Variants in DNM2 observed in about 807,000 individuals in gnomAD.
The protein encoded by DNM2 is dynamin 2.
Under a neutral mutation model 99.0 loss-of-function variants are expected in DNM2, and 15 were observed. The ratio of observed to expected loss-of-function variants is 0.15; its 90% CI spans 0.10 to 0.23. DNM2 has a LOEUF of 0.23. Ranked by LOEUF, DNM2 falls within the 10% of genes least tolerant of loss-of-function variation. DNM2 has a pLI of 1.00. For missense variants in DNM2, 742 were observed against 1,189.4 expected, an observed-to-expected ratio of 0.62 and a Z score of 5.53; for synonymous variants, 525 against 481.2, an observed-to-expected ratio of 1.09 and a Z score of -1.19.
intron 1 of DNM2, among the ~76,000 whole-genome samples, chr19:10,729,006 G>A (rs2069202866): frequency 6.7e-6 from 1 of 149,144 alleles, no homozygotes; most frequent in Non-Finnish European, 1.5e-5. Flanking sequence ...TTGGGAGGCT[G>A]AGGTGGGAGT....
intron 1 of DNM2, among the ~76,000 whole-genome samples, chr19:10,742,961 TGTG>T (rs2069812410): frequency 6.6e-6 from 1 of 150,606 alleles, no homozygotes; most frequent in Non-Finnish European, 1.5e-5. Context: ...TCATGCAGGT[TGTG>T]GTGCAGTGGC....
chr19:10,729,803 GTGTTTC>G (rs1054600204), intron 1 of DNM2, among the ~76,000 whole-genome samples: 49 of 152,136 alleles, frequency 3.2e-4, no homozygotes, highest in African/African-American at 1.1e-3. Flanking sequence ...GACCCCTCTG[GTGTTTC>G]TGTACTTAGG....
chr19:10,762,594 A>T (rs1048213909), intron 2 of DNM2, among the ~76,000 whole-genome samples: 1 of 152,160 alleles, frequency 6.6e-6, no homozygotes, highest in Non-Finnish European at 1.5e-5. Context: ...CTTGGCCAGG[A>T]GGGAGCACAG....
chr19:10,761,921 G>A (rs528371537), intron 2 of DNM2, among the ~76,000 whole-genome samples: 8 of 152,198 alleles, frequency 5.3e-5, no homozygotes, highest in South Asian at 4.2e-4. Flanking sequence ...GGGTTCAGGC[G>A]TCCAATCAGC....
intron 5 of DNM2, 62 bp from the exon 6 acceptor site, chr19:10,782,898 C>G (rs1333453574): frequency 6.2e-7 from 1 of 1,610,894 alleles, no homozygotes; most frequent in African/African-American, 1.3e-5. Context: ...CTTGCCCATC[C>G]CCGTGCCAGG....
rs573469750 is a variant in DNM2, at chr19:10,759,722, T to C, written c.162-16T>C. 125 of 1,613,992 alleles carry C rather than the reference T, an allele frequency of 7.7e-5. No homozygotes were observed. In the Middle Eastern group the frequency reaches 8.2e-4, roughly 11 times the overall value. On this transcript the variant is annotated splice_polypyrimidine_tract_variant and intron_variant, in intron 1 of 20. Transcript: ENST00000389253. ...CGGACGCAAGAGTAATTTCTGTCCC[T>C]CTCCCCCCCTCACAGGGACTTCCTT...
intron 1 of DNM2, among the ~76,000 whole-genome samples, chr19:10,722,972 CTT>C (rs1021479133): frequency 6.9e-6 from 1 of 144,418 alleles, no homozygotes. Context: ...CTTTCCCTTT[CTT>C]TTTTTTTTTT....
At chr19:10,809,361 AT>A (rs1417982725) in intron 14 of DNM2, 3 of 152,362 alleles carry the variant, frequency 2.0e-5, no homozygotes, top group African/African-American at 2.4e-5. Flanking sequence ...GGCAACACTA[AT>A]TGATCCTAGC....
At chr19:10,766,546 T>A (rs1258985425) in intron 2 of DNM2, among the ~76,000 whole-genome samples, 1 of 152,054 alleles carries the variant, frequency 6.6e-6, no homozygotes, top group East Asian at 1.9e-4. Flanking sequence ...CTGGGAGTGA[T>A]GTCCTCCTAG....
intron 1 of DNM2, among the ~76,000 whole-genome samples, chr19:10,743,227 G>A (rs529083439): frequency 1.4e-4 from 21 of 152,118 alleles, no homozygotes; most frequent in East Asian, 5.9e-4. Flanking sequence ...TTCTTTTGCC[G>A]TGCAGCTAGC....
chr19:10,819,851 C>CAT (rs1002005189), intron 15 of DNM2, 129 bp from the exon 16 acceptor site: 269 of 837,046 alleles, frequency 3.2e-4, no homozygotes, highest in Non-Finnish European at 4.1e-4. Flanking sequence ...CAGATGGGCT[C>CAT]ATATACAGCA....
intron 1 of DNM2, among the ~76,000 whole-genome samples, chr19:10,756,657 T>C (rs1325323712): frequency 6.6e-6 from 1 of 152,130 alleles, no homozygotes; most frequent in East Asian, 1.9e-4. Flanking sequence ...CTGTGCTGCC[T>C]GTGGCTGCAG....
At chr19:10,825,277 G>A in intron 18 of DNM2, 56 bp downstream of exon 18, 1 of 1,605,154 alleles carries the variant, frequency 6.2e-7, no homozygotes, top group South Asian at 1.1e-5. Flanking sequence ...GCTCACGCCT[G>A]TAATCCCAGC....
At chr19:10,821,082 C>A (rs1045701890) in intron 16 of DNM2, among the ~76,000 whole-genome samples, 1 of 152,094 alleles carries the variant, frequency 6.6e-6, no homozygotes, top group African/African-American at 2.4e-5. Flanking sequence ...CCCTGCTGGC[C>A]CCAGAACCTC....
chr19:10,755,205 G>A (rs1046022602), intron 1 of DNM2: 1 of 152,246 alleles, frequency 6.6e-6, no homozygotes, highest in Admixed American at 6.5e-5. Flanking sequence ...CGAACAGACT[G>A]TAGTCCATCA....
At position 10,775,925 on chromosome 19, in the gene DNM2, C is replaced by A. The variant is rs767859111; in HGVS notation, c.589+19C>A. 29 of 1,607,440 alleles carry A rather than the reference C, an allele frequency of 1.8e-5. No individual in the cohort carries two copies. Among genetic ancestry groups the A allele is most frequent in the Admixed American group, 6.7e-5 (4 of 59,974 alleles). On this transcript the variant is annotated intron_variant, in intron 4 of 20. Coordinates refer to ENST00000389253, the MANE Select transcript of DNM2 (RefSeq NM_001005361.3). The surrounding 1 kb of genome is among the most constrained non-coding windows in gnomAD (Gnocchi z 4.3). ...CCCCAAGGTAACCCTGAGCCTAGGG[C>A]AGTCCCCTCTTCCAGGTGCCTCTGA...
chr19:10,831,733 C>T lies in DNM2; in HGVS notation c.*686C>T, dbSNP rs928787507. 3.0e-6 allele frequency: 3 copies of T among 986,194 alleles called. No homozygotes were observed. Among genetic ancestry groups the T allele is most frequent in the Admixed American group, 6.1e-5 (1 of 16,280 alleles). The allele number at this position is 986,194 out of a possible 1,614,324, so 61.1% of individuals were successfully genotyped here. A position where few individuals can be genotyped will look rare whatever the true frequency, so the allele number is the denominator to read the frequency against. ...GCTTGGGCTATGTGGGTGGTGGTGG[C>T]GGGGGGTCTTGGGGGCCTCTCAGCT... On this transcript the variant is annotated 3_prime_UTR_variant, in exon 21 of 21. Transcript: ENST00000389253. The surrounding 1 kb of genome is among the most constrained non-coding windows in gnomAD (Gnocchi z 4.3).
chr19:10,718,488 G>C, intron 1 of DNM2, 85 bp downstream of exon 1: 1 of 1,275,978 alleles, frequency 7.8e-7, no homozygotes, highest in Non-Finnish European at 9.9e-7. Context: ...TGCGCCGCCG[G>C]CGTAACTGCG....
intron 5 of DNM2, among the ~76,000 whole-genome samples, chr19:10,779,656 T>G (rs1308792955): frequency 1.3e-5 from 2 of 151,614 alleles, no homozygotes. Flanking sequence ...TACAGGCATG[T>G]GCGATTGCTC....
Sources: allele counts gnomAD v4.1 joint callset (sites outside exome capture counted in the v4.1 genomes callset), GRCh38; gene constraint gnomAD v4.1.1; non-coding constraint Gnocchi (gnomAD v3.1); transcripts MANE v1.5; gene names NCBI Gene and HGNC (gene_info 2026-07-23, HGNC 2026-07-21).